The following OXSR1 variants were observed in gnomAD, a reference collection of about 807,000 sequenced individuals.
OXSR1 encodes oxidative stress responsive kinase 1, also known as serine/threonine-protein kinase OSR1.
In OXSR1, 24 loss-of-function variants were observed where a neutral mutation model predicts 79.8. The observed-to-expected ratio is 0.30, with a 90% CI of 0.22 to 0.42. OXSR1 has a LOEUF of 0.42. Among genes scored for constraint, OXSR1 ranks in the 10% least tolerant of loss-of-function variants. The pLI is 1.00. For synonymous variants in OXSR1, 226 were observed against 209.2 expected, an observed-to-expected ratio of 1.08 and a Z score of -0.69; for missense variants, 430 against 618.4, an observed-to-expected ratio of 0.70 and a Z score of 3.23.
At chr3:38,171,492 T>TA (rs1701581153) in intron 1 of OXSR1, among the ~76,000 whole-genome samples, 1 of 152,204 alleles carries the variant, frequency 6.6e-6, no homozygotes, top group Non-Finnish European at 1.5e-5. Flanking sequence ...ATTTGAACTG[T>TA]AACATGTTTA....
intron 16 of OXSR1, among the ~76,000 whole-genome samples, chr3:38,252,107 A>G (rs964249330): frequency 6.6e-6 from 1 of 152,228 alleles, no homozygotes; most frequent in Non-Finnish European, 1.5e-5. Context: ...CTAGGTTAAT[A>G]CAACATTTTA....
rs1575296073 is a variant in OXSR1 at position 38,165,721 on chromosome 3, C to G, written c.-156C>G. The G allele has an allele frequency of 4.8e-6, 3 of 622,598 alleles. No individual in the cohort carries two copies. 38.6% of individuals were successfully genotyped at this position (622,598 alleles called of 1,614,324 possible). A position where few individuals can be genotyped will look rare whatever the true frequency, so the allele number is the denominator to read the frequency against. ...CCCCGCTGCTCTGCCGCGCGGTGAC[C>G]CCGCGCCCCGGCGCCGTCCGACCCG... is the stretch of plus-strand genomic sequence containing the variant. On this transcript the variant is annotated 5_prime_UTR_variant, in exon 1 of 18. Transcript: ENST00000311806.
chr3:38,187,338 C>T (rs550735316), intron 2 of OXSR1, among the ~76,000 whole-genome samples: 39 of 152,136 alleles, frequency 2.6e-4, no homozygotes, highest in Admixed American at 1.4e-3. Context: ...CTGTGCTATA[C>T]AGAGATATCG....
chr3:38,206,159 G>A (rs61005484), intron 4 of OXSR1, among the ~76,000 whole-genome samples: 20,740 of 152,056 alleles, frequency 0.14, 1,805 homozygotes, highest in Middle Eastern at 0.27. Flanking sequence ...TGGGTAATAT[G>A]TTACTATTAT....
At chr3:38,228,302 TAAG>T (rs1219269108) in intron 8 of OXSR1, among the ~76,000 whole-genome samples, 3 of 152,168 alleles carry the variant, frequency 2.0e-5, no homozygotes, top group East Asian at 1.9e-4. Context: ...GAATGAATAA[TAAG>T]AAGCAATGTT....
intron 17 of OXSR1, 21 bp downstream of exon 17, chr3:38,252,413 G>T: frequency 6.4e-7 from 1 of 1,554,268 alleles, no homozygotes; most frequent in South Asian, 1.1e-5. Context: ...CTTCTTCCTT[G>T]TGAAAACATC....
At chr3:38,168,846 G>A (rs1431254988) in intron 1 of OXSR1, among the ~76,000 whole-genome samples, 1 of 152,096 alleles carries the variant, frequency 6.6e-6, no homozygotes, top group Non-Finnish European at 1.5e-5. Context: ...TGTAGTACAT[G>A]GTTCCTTTTT....
intron 1 of OXSR1, among the ~76,000 whole-genome samples, chr3:38,166,664 G>A (rs560596491): frequency 2.6e-5 from 4 of 151,820 alleles, no homozygotes; most frequent in Non-Finnish European, 4.4e-5. Flanking sequence ...GGTGGTGCGC[G>A]CCTGTAATCC....
In OXSR1 at chr3:38,182,286, G is replaced by T. The variant is rs188152968; in HGVS notation, c.71-717G>T. Among the ~76,000 whole-genome samples the T allele has an allele frequency of 2.6e-5, 4 of 152,326 alleles. No individual in the cohort carries two copies. In the East Asian group the frequency reaches 7.7e-4, roughly 29 times the overall value. On this transcript the variant is annotated intron_variant, in intron 1 of 17. Transcript: ENST00000311806. ...GCAGATTGGCTTGACATTGCCGCAC[G>T]TGTGGGGTAGACACCTGGCTGGCGC...
chr3:38,252,785 A>C (rs1334799856), intron 17 of OXSR1, 32 bp from the exon 18 acceptor site: 1 of 1,562,782 alleles, frequency 6.4e-7, no homozygotes, highest in East Asian at 2.2e-5. Context: ...GTTTATAAAT[A>C]ATCACAGTTT....
chr3:38,170,766 C>T (rs6767007), intron 1 of OXSR1, among the ~76,000 whole-genome samples: 13,135 of 152,134 alleles, frequency 0.086, 752 homozygotes, highest in African/African-American at 0.16. Context: ...GTCATTGTCT[C>T]ACAGATTAAG....
intron 2 of OXSR1, among the ~76,000 whole-genome samples, chr3:38,184,737 A>G (rs1457416667): frequency 6.6e-6 from 1 of 151,994 alleles, no homozygotes; most frequent in Admixed American, 6.6e-5. Context: ...ACACATCTCC[A>G]TGAGCTAAGT....
chr3:38,186,327 A>G (rs182030157), intron 2 of OXSR1, among the ~76,000 whole-genome samples: 6 of 152,288 alleles, frequency 3.9e-5, no homozygotes, highest in Admixed American at 3.9e-4. Context: ...TAACAGCTTT[A>G]TTGATATAAA....
In OXSR1 at chr3:38,165,699, C is replaced by A; in HGVS notation, c.-178C>A. On this transcript the variant is annotated 5_prime_UTR_variant, in exon 1 of 18. Coordinates refer to ENST00000311806, the MANE Select transcript of OXSR1 (RefSeq NM_005109.3). ...GAGGTCCGCCGGAGCTCTGAGCCCC[C>A]GCTGCTCTGCCGCGCGGTGACCCCG... 3.5e-6 allele frequency: 2 copies of A among 564,248 alleles called. No individual in the cohort carries two copies. The highest frequency in any genetic ancestry group is 6.2e-6 in the Non-Finnish European group (2 of 323,870). The allele number at this position is 564,248 out of a possible 1,614,324, so 35.0% of individuals were successfully genotyped here.
chr3:38,202,247 A>G (rs1702178314), intron 4 of OXSR1, among the ~76,000 whole-genome samples: 1 of 152,232 alleles, frequency 6.6e-6, no homozygotes, highest in South Asian at 2.1e-4. Context: ...CAGTGAACTC[A>G]GGCAGGGATT....
At chr3:38,243,007 T>G (rs895513510) in intron 12 of OXSR1, among the ~76,000 whole-genome samples, 6 of 129,736 alleles carry the variant, frequency 4.6e-5, no homozygotes, top group East Asian at 2.5e-4. Flanking sequence ...TGAAAAGTTA[T>G]TTATTTATTT....
intron 14 of OXSR1, among the ~76,000 whole-genome samples, chr3:38,248,132 G>C (rs1159452495): frequency 6.6e-6 from 1 of 152,140 alleles, no homozygotes; most frequent in Non-Finnish European, 1.5e-5. Flanking sequence ...CAAGAGGGGA[G>C]CACTTTTTGA....
intron 8 of OXSR1, among the ~76,000 whole-genome samples, chr3:38,226,626 A>G (rs930418057): frequency 6.6e-6 from 1 of 152,114 alleles, no homozygotes; most frequent in Non-Finnish European, 1.5e-5. Flanking sequence ...TGAGAAGGGC[A>G]TATATATAAC....
intron 10 of OXSR1, among the ~76,000 whole-genome samples, chr3:38,234,761 G>GT (rs976611243): frequency 2.0e-5 from 3 of 152,210 alleles, no homozygotes; most frequent in African/African-American, 7.2e-5. Flanking sequence ...AATTGAAAAC[G>GT]TAAGTCCACA....
Sources: gnomAD v4.1 joint callset for allele counts (sites outside exome capture counted in the v4.1 genomes callset) on GRCh38, gnomAD v4.1.1 for gene constraint, MANE v1.5 for transcripts, NCBI Gene and HGNC (gene_info 2026-07-23, HGNC 2026-07-21) for gene names.